The following NOS3 variants were observed in gnomAD, a reference collection of about 807,000 sequenced individuals.
NOS3 encodes nitric oxide synthase 3, also known as NOS type III.
Under a neutral mutation model 144.9 loss-of-function variants are expected in NOS3, and 98 were observed. The ratio of observed to expected loss-of-function variants is 0.68; its 90% CI spans 0.57 to 0.80. NOS3 has a LOEUF of 0.80. Among genes scored for constraint, NOS3 ranks in the 30% least tolerant of loss-of-function variants. The pLI, the probability that NOS3 is intolerant of heterozygous loss-of-function variation, is 0.00. For missense variants in NOS3, 1,465 were observed against 1,656.4 expected (o/e 0.88, Z 2.01); for synonymous variants, 714 against 702.4 (o/e 1.02, Z -0.26).
intron 2 of NOS3, 41 bp downstream of exon 2, chr7:150,994,002 GGT>G (rs1184761296): frequency 1.3e-6 from 2 of 1,531,982 alleles, no homozygotes; most frequent in Non-Finnish European, 1.7e-6. Flanking sequence ...CAACAAGGGT[GGT>G]GTCAAGGCCT....
chr7:151,010,550 TAGGA>T, intron 21 of NOS3, 43 bp from the exon 22 acceptor site: 1 of 1,487,006 alleles, frequency 6.7e-7, no homozygotes, highest in Non-Finnish European at 9.0e-7. Context: ...GGGAGGTTAC[TAGGA>T]AGGGCTATGG....
chr7:151,000,631 A>G, intron 10 of NOS3, 32 bp downstream of exon 10: 1 of 1,472,042 alleles, frequency 6.8e-7, no homozygotes, highest in African/African-American at 1.4e-5. Flanking sequence ...AGGAAGGCAA[A>G]GGGTTTGCAT....
intron 23 of NOS3, chr7:151,011,946 G>A (rs1795314605): frequency 3.2e-6 from 1 of 310,692 alleles, no homozygotes; most frequent in Non-Finnish European, 6.5e-6. Context: ...GCCATCAGCT[G>A]GGCCTGGTGA....
At chr7:150,997,132 C>G (rs1205531560) in intron 5 of NOS3, among the ~76,000 whole-genome samples, 1 of 152,150 alleles carries the variant, frequency 6.6e-6, no homozygotes, top group East Asian at 1.9e-4. Flanking sequence ...ACCTGGTTAT[C>G]AGGCCCTATG....
intron 21 of NOS3, 89 bp from the exon 22 acceptor site, chr7:151,010,508 C>G: frequency 7.5e-7 from 1 of 1,333,130 alleles, no homozygotes; most frequent in East Asian, 2.5e-5. Context: ...GGGAGAAACC[C>G]TAAAGAGGCT....
In NOS3 at chr7:151,007,289, C is replaced by G; in HGVS notation, c.2112+13C>G. 1 of 1,588,000 alleles carries G rather than the reference C, an allele frequency of 6.3e-7. No homozygotes were observed. The highest frequency in any genetic ancestry group is 2.2e-5 in the East Asian group (1 of 44,662). On this transcript the variant is annotated intron_variant, in intron 17 of 26. Transcript: ENST00000297494. ...GGCTGCCTTCCAGGTGAGCCCAGCC[C>G]AGCCCCTGCTCTGACTCCTGCCCCC... is the stretch of plus-strand genomic sequence containing the variant.
intron 14 of NOS3, 21 bp from the exon 15 acceptor site, chr7:151,006,406 T>C (rs1795206515): frequency 6.2e-7 from 1 of 1,607,492 alleles, no homozygotes. Context: ...CTAACCCTGA[T>C]GCAAACACTC....
In NOS3 at chr7:151,002,230, T is replaced by G. The variant is rs185916883; in HGVS notation, c.1678T>G (p.Ser560Ala). ...GTGTATGGATGAGTATGACGTGGTG[T>G]CCCTCGAACACGAGACGCTGGTGCT... ...VLCMDEYDVV[S>A]LEHETLVLVV... The change falls in exon 14 of 27, where the codon TCC (serine) becomes GCC (alanine). Residue 560 changes from serine to alanine, a missense_variant. Physicochemically the swap from Ser to Ala is moderately conservative, Grantham distance 99. Around this residue, in one of 5 missense-constraint regions of NOS3, gnomAD observed 745 missense variants for 853.9 expected, o/e 0.87. Coordinates refer to ENST00000297494, the MANE Select transcript of NOS3 (RefSeq NM_000603.5). This position sits in a 1 kb window ranked among gnomAD's most constrained non-coding sequence, Gnocchi z 4.1. 1 of 1,600,562 alleles carries G rather than the reference T, an allele frequency of 6.2e-7. No individual in the cohort carries two copies. Among genetic ancestry groups the G allele is most frequent in the East Asian group, 2.2e-5 (1 of 44,610 alleles).
In NOS3 at chr7:150,993,590, G is replaced by A. The variant is rs1802300604; in HGVS notation, c.-51-163G>A. Among the ~76,000 whole-genome samples the A allele has an allele frequency of 6.6e-6, 1 of 152,164 alleles. No individual in the cohort carries two copies. The highest frequency in any genetic ancestry group is 1.5e-5 in the Non-Finnish European group (1 of 68,014). ...CCTCACAGCGGAACCCAGGCGTCCG[G>A]CCCCCCACCCTTCAGGCCAGCGGGC... On this transcript the variant is annotated intron_variant, in intron 1 of 26. Coordinates refer to ENST00000297494, the MANE Select transcript of NOS3 (RefSeq NM_000603.5). This position sits in a 1 kb window ranked among gnomAD's most constrained non-coding sequence, Gnocchi z 4.0.
rs1554436894 is a variant in NOS3 at position 151,009,143 on chromosome 7, C to T, written c.2246-46C>T. On this transcript the variant is annotated intron_variant, in intron 18 of 26. Coordinates refer to ENST00000297494, the MANE Select transcript of NOS3 (RefSeq NM_000603.5). Reference sequence around the variant, plus strand: ...GACTAAAGCACTCTGGGGCCAGGCCCTGCTCCCTAGCTCAGGCTGCCTCAT... The same window carrying T: ...GACTAAAGCACTCTGGGGCCAGGCCTTGCTCCCTAGCTCAGGCTGCCTCAT... The T allele has an allele frequency of 1.9e-6, 3 of 1,613,150 alleles. No individual in the cohort carries two copies. In the South Asian group the frequency reaches 3.3e-5, roughly 18 times the overall value.
chr7:151,006,550 A>G, intron 15 of NOS3, 56 bp downstream of exon 15: 1 of 1,407,094 alleles, frequency 7.1e-7, no homozygotes, highest in Non-Finnish European at 1.0e-6. Context: ...TGGAGACACA[A>G]ACAGAAAGGG....
Position 150,993,845 on chromosome 7 carries a change from C to G in NOS3, c.42C>G (p.Pro14=). ...LKSVAQEPGP[P]CGLGLGLGLG... is the part of the protein sequence containing the mutation. ...GCGTGGCCCAGGAGCCTGGGCCACC[C>G]TGCGGCCTGGGGCTGGGGCTGGGCC... Residue 14 remains proline, a synonymous_variant, in exon 2 of 27, where the codon CCC becomes CCG. Transcript: ENST00000297494. The surrounding 1 kb of genome is among the most constrained non-coding windows in gnomAD (Gnocchi z 4.0). The G allele has an allele frequency of 6.2e-7, 1 of 1,601,958 alleles. No individual in the cohort carries two copies. Among genetic ancestry groups the G allele is most frequent in the African/African-American group, 1.4e-5 (1 of 74,064 alleles).
chr7:151,006,384 A>G (rs1351951788), intron 14 of NOS3, 43 bp from the exon 15 acceptor site: 2 of 1,461,566 alleles, frequency 1.4e-6, no homozygotes, highest in African/African-American at 2.8e-5. Context: ...TGTAGTTTGA[A>G]ATGAAACAAA....
chr7:151,009,620 A>G, intron 20 of NOS3, 35 bp downstream of exon 20: 1 of 1,468,026 alleles, frequency 6.8e-7, no homozygotes, highest in African/African-American at 1.4e-5. Flanking sequence ...AGGGCACACC[A>G]GCCCCATGCC....
chr7:151,008,891 T>G, intron 17 of NOS3, 39 bp from the exon 18 acceptor site: 1 of 1,567,908 alleles, frequency 6.4e-7, no homozygotes. Flanking sequence ...CGACCCCTGG[T>G]GGCGGGAGGT....
Position 151,014,459 on chromosome 7 carries a change from C to G in NOS3, c.*290C>G, listed in dbSNP as rs1795398299. 1.6e-5 allele frequency: 7 copies of G among 440,678 alleles called. No homozygotes were observed. Among genetic ancestry groups the G allele is most frequent in the Non-Finnish European group, 2.8e-5 (7 of 248,064 alleles). 27.3% of individuals were successfully genotyped at this position (440,678 alleles called of 1,614,324 possible). A position where few individuals can be genotyped will look rare whatever the true frequency, so the allele number is the denominator to read the frequency against. On this transcript the variant is annotated 3_prime_UTR_variant, in exon 27 of 27. Transcript: ENST00000297494. The stretch of plus-strand genomic sequence containing the variant: ...CTGTTTCTTAGTCGAATGTTAGATT[C>G]CTCTTGCCTCTCTCAGGAGTATCTT...
intron 25 of NOS3, 135 bp from the exon 26 acceptor site, chr7:151,013,589 T>G: frequency 1.9e-6 from 2 of 1,046,024 alleles, no homozygotes; most frequent in Non-Finnish European, 2.7e-6. Context: ...CTGCCCCTGT[T>G]GACACCGCCC....
chr7:151,013,045 TA>T, intron 24 of NOS3, 185 bp from the exon 25 acceptor site: 1 of 637,636 alleles, frequency 1.6e-6, no homozygotes, highest in Non-Finnish European at 2.6e-6. Context: ...CTTCCCTCTG[TA>T]AATCAGGGCT....
At chr7:151,013,439 G>T (rs1266266630) in intron 25 of NOS3, 60 bp downstream of exon 25, 6 of 1,546,080 alleles carry the variant, frequency 3.9e-6, no homozygotes, top group Non-Finnish European at 4.4e-6. Context: ...GAGGACTCGC[G>T]CTCTCCAGCG....
Sources: gnomAD v4.1 joint callset for allele counts (sites outside exome capture counted in the v4.1 genomes callset) on GRCh38, gnomAD v4.1.1 for gene constraint, gnomAD v4.1.1 regional missense constraint, Gnocchi (gnomAD v3.1) non-coding constraint, MANE v1.5 for transcripts, NCBI Gene and HGNC (gene_info 2026-07-23, HGNC 2026-07-21) for gene names.